The following TMC1 variants were observed in gnomAD, a reference collection of about 807,000 sequenced individuals.
TMC1 encodes the protein transmembrane channel like 1.
Under a neutral mutation model 105.8 loss-of-function variants are expected in TMC1, and 84 were observed. That is an observed-to-expected ratio of 0.79 (90% CI 0.67 to 0.95). The LOEUF (loss-of-function observed/expected upper bound fraction) is 0.95. Ranked by LOEUF, TMC1 falls within the 40% of genes least tolerant of loss-of-function variation. The pLI is 0.00. For synonymous variants in TMC1, 315 were observed against 311.5 expected, an observed-to-expected ratio of 1.01 and a Z score of -0.12; for missense variants, 817 against 914.1, an observed-to-expected ratio of 0.89 and a Z score of 1.37.
chr9:72,836,090 G>GAAA lies in TMC1; in HGVS notation c.*118_*119insAAA. The GAAA allele has an allele frequency of 3.3e-6, 4 of 1,228,396 alleles. No homozygotes were observed. Among genetic ancestry groups the GAAA allele is most frequent in the African/African-American group, 1.5e-5 (1 of 67,620 alleles). The allele number at this position is 1,228,396 out of a possible 1,614,324, so 76.1% of individuals were successfully genotyped here. A position where few individuals can be genotyped will look rare whatever the true frequency, so the allele number is the denominator to read the frequency against. On this transcript the variant is annotated 3_prime_UTR_variant, in exon 24 of 24. Transcript: ENST00000297784. ...ACTGCTATTTTCCTGTTCTACCCTT[G>GAAA]ATGGATTTTCAAGGTCATGCTGGCC...
intron 1 of TMC1, among the ~76,000 whole-genome samples, chr9:72,527,325 A>G (rs1031560488): frequency 1.3e-5 from 2 of 151,974 alleles, no homozygotes; most frequent in African/African-American, 4.8e-5. Context: ...GACCCGGTAC[A>G]TTACCTGTCT....
In TMC1 at chr9:72,806,459, C is replaced by G. The variant is rs1345419381; in HGVS notation, c.1695+949C>G. ...GCCGGGCGGAGACGCTCCTCAGTTC[C>G]CAGACTGGGTGGCTGCCGGGCGGAG... is the stretch of plus-strand genomic sequence containing the variant. On this transcript the variant is annotated intron_variant, in intron 18 of 23. Transcript: ENST00000297784. Among the ~76,000 whole-genome samples, 7 of 151,132 alleles carry G rather than the reference C, an allele frequency of 4.6e-5. No individual in the cohort carries two copies. The East Asian group carries it at 1.4e-3, about 30-fold the overall frequency.
intron 5 of TMC1, among the ~76,000 whole-genome samples, chr9:72,675,813 A>G (rs1288061045): frequency 6.6e-6 from 1 of 152,176 alleles, no homozygotes; most frequent in Non-Finnish European, 1.5e-5. Context: ...TTGCCACACA[A>G]TTACAATAAT....
intron 21 of TMC1, among the ~76,000 whole-genome samples, chr9:72,827,621 A>G (rs189709195): frequency 5.1e-4 from 78 of 152,348 alleles, no homozygotes; most frequent in Non-Finnish European, 8.5e-4. Context: ...TTGTTTTCAC[A>G]TAACTTTCAT....
intron 19 of TMC1, among the ~76,000 whole-genome samples, chr9:72,820,197 C>A (rs1461171097): frequency 1.3e-5 from 2 of 152,160 alleles, no homozygotes; most frequent in Non-Finnish European, 2.9e-5. Context: ...GAGGCACAAA[C>A]ACATCATTGC....
chr9:72,551,396 CA>C (rs1823858005), intron 1 of TMC1, among the ~76,000 whole-genome samples: 1 of 152,102 alleles, frequency 6.6e-6, no homozygotes, highest in Non-Finnish European at 1.5e-5. Flanking sequence ...AGAAACAAAG[CA>C]AAACAAAGCA....
rs759815339 is a variant in TMC1, at chr9:72,754,851, G to A, written c.708G>A (p.Ser236=). ...RKTVPRAEEA[S]AANFGVLYDF... ...CCGTTCCCAGAGCCGAAGAGGCATC[G>A]GCAGCAAACTTTGGTGTGTTGTACG... is the stretch of plus-strand genomic sequence containing the variant. Residue 236 remains serine (S), a synonymous_variant, in exon 12 of 24, where the codon TCG becomes TCA. Coordinates refer to ENST00000297784, the MANE Select transcript of TMC1 (RefSeq NM_138691.3). The A allele has an allele frequency of 3.9e-5, 63 of 1,613,974 alleles. No individual in the cohort carries two copies. The highest frequency in any genetic ancestry group is 1.6e-4 in the Middle Eastern group (1 of 6,084).
At chr9:72,532,383 A>G (rs1823511344) in intron 1 of TMC1, among the ~76,000 whole-genome samples, 1 of 151,772 alleles carries the variant, frequency 6.6e-6, no homozygotes, top group Non-Finnish European at 1.5e-5. Flanking sequence ...TCTACTAAAA[A>G]TACAAAAATT....
intron 5 of TMC1, among the ~76,000 whole-genome samples, chr9:72,683,690 A>C (rs533076201): frequency 7.2e-6 from 1 of 138,904 alleles, no homozygotes; most frequent in Admixed American, 7.7e-5. Flanking sequence ...TATTAATAGT[A>C]CAGACAGCTG....
intron 8 of TMC1, among the ~76,000 whole-genome samples, chr9:72,715,432 C>T (rs1212902405): frequency 6.6e-6 from 1 of 152,030 alleles, no homozygotes; most frequent in Non-Finnish European, 1.5e-5. Flanking sequence ...TCACATGATC[C>T]CATATTTCCT....
chr9:72,561,746 A>G (rs1404155992), intron 1 of TMC1, among the ~76,000 whole-genome samples: 1 of 152,174 alleles, frequency 6.6e-6, no homozygotes, highest in Non-Finnish European at 1.5e-5. Context: ...AGGCTGTTCT[A>G]TTTCTATTCC....
rs147147941 is a variant in TMC1 at position 72,772,462 on chromosome 9, G to A, written c.791G>A (p.Arg264Gln). The change falls in exon 13 of 24, where the codon CGA becomes CAA. Residue 264 changes from arginine (R) to glutamine (Q), a missense_variant. Transcript: ENST00000297784. The stretch of plus-strand genomic sequence containing the variant: ...TTTTATGGCTATTATGACAATAAAC[G>A]AACAATTGGATGGATGAATTTCAGG... ...VLFYGYYDNKRTIGWMNFRLP... is the reference protein window; with the variant it reads ...VLFYGYYDNKQTIGWMNFRLP... 73 of 1,613,696 alleles carry A rather than the reference G, an allele frequency of 4.5e-5. No individual in the cohort carries two copies. The highest frequency in any genetic ancestry group is 3.7e-4 in the Admixed American group (22 of 59,974).
chr9:72,625,643 G>C (rs905885894), intron 3 of TMC1, among the ~76,000 whole-genome samples: 2 of 149,762 alleles, frequency 1.3e-5, no homozygotes, highest in African/African-American at 4.9e-5. Flanking sequence ...AGCTGAGATC[G>C]CGCCACTGTG....
chr9:72,715,606 C>T (rs1826903959), intron 8 of TMC1, among the ~76,000 whole-genome samples: 1 of 152,078 alleles, frequency 6.6e-6, no homozygotes, highest in South Asian at 2.1e-4. Context: ...TGTTTTTCAG[C>T]TCCATCAGGT....
chr9:72,646,570 T>A (rs571896680), intron 4 of TMC1, among the ~76,000 whole-genome samples: 123 of 152,246 alleles, frequency 8.1e-4, no homozygotes, highest in Non-Finnish European at 1.4e-3. Flanking sequence ...TTTTATGATA[T>A]TACTGTTCAT....
intron 1 of TMC1, among the ~76,000 whole-genome samples, chr9:72,562,100 C>T (rs1278247701): frequency 6.6e-6 from 1 of 152,098 alleles, no homozygotes; most frequent in Non-Finnish European, 1.5e-5. Flanking sequence ...AATAACATCT[C>T]ACAGTGCTTT....
At chr9:72,807,110 A>G (rs574872378) in intron 18 of TMC1, among the ~76,000 whole-genome samples, 62 of 152,324 alleles carry the variant, frequency 4.1e-4, no homozygotes, top group African/African-American at 1.4e-3. Context: ...AAAACCAGTC[A>G]GGCGTGTCGG....
intron 4 of TMC1, among the ~76,000 whole-genome samples, chr9:72,643,332 C>G (rs2132145742): frequency 6.6e-6 from 1 of 152,230 alleles, no homozygotes; most frequent in Non-Finnish European, 1.5e-5. Context: ...GGAGAAACAG[C>G]CCTGTGGAGG....
intron 11 of TMC1, among the ~76,000 whole-genome samples, chr9:72,754,025 T>C (rs1382705939): frequency 6.6e-6 from 1 of 152,186 alleles, no homozygotes; most frequent in African/African-American, 2.4e-5. Flanking sequence ...GCACCCAGGC[T>C]TCAAGCCATA....
Sources: allele counts gnomAD v4.1 joint callset (sites outside exome capture counted in the v4.1 genomes callset), GRCh38; gene constraint gnomAD v4.1.1; transcripts MANE v1.5; gene names NCBI Gene and HGNC (gene_info 2026-07-23, HGNC 2026-07-21).